Variants in PSD2 observed in about 807,000 individuals in gnomAD.
The protein encoded by PSD2 is pleckstrin and Sec7 domain containing 2.
In PSD2, 38 loss-of-function variants were observed where a neutral mutation model predicts 69.8. The observed-to-expected ratio is 0.54, with a 90% CI of 0.42 to 0.71. The LOEUF is 0.71. Among genes scored for constraint, PSD2 ranks in the 30% least tolerant of loss-of-function variants. The probability of loss-of-function intolerance (pLI) is 0.00; values close to 1 mark genes in which losing one functional copy is unlikely to be tolerated. For missense variants in PSD2, 943 were observed against 1,014.5 expected, an observed-to-expected ratio of 0.93 and a Z score of 0.96; for synonymous variants, 412 against 423.0, an observed-to-expected ratio of 0.97 and a Z score of 0.32.
At chr5:139,781,194 A>G in the PSD2 span, among the ~76,000 whole-genome samples, 2 of 152,200 alleles carry the variant, frequency 1.3e-5, no homozygotes, top group African/African-American at 4.8e-5. Context: ...TGGAGCCTCT[A>G]GAGATCTCCT....
At chr5:139,826,109 C>T (rs1760412734) in intron 7 of PSD2, among the ~76,000 whole-genome samples, 1 of 152,172 alleles carries the variant, frequency 6.6e-6, no homozygotes, top group Non-Finnish European at 1.5e-5. Context: ...AGAGTGACCA[C>T]TGGGGTTGGA....
intron 1 of PSD2, among the ~76,000 whole-genome samples, chr5:139,802,126 G>A (rs977234903): frequency 6.6e-6 from 1 of 150,584 alleles, no homozygotes; most frequent in Non-Finnish European, 1.5e-5. Context: ...GGAGGGAGAG[G>A]AAGGGAGGAC....
chr5:139,755,147 C>T, the PSD2 span, among the ~76,000 whole-genome samples: 2 of 152,174 alleles, frequency 1.3e-5, no homozygotes, highest in Admixed American at 1.3e-4. Flanking sequence ...TTTGAGGCAG[C>T]GCCACCCACG....
chr5:139,763,313 C>T, the PSD2 span, among the ~76,000 whole-genome samples: 6 of 152,276 alleles, frequency 3.9e-5, no homozygotes, highest in South Asian at 1.0e-3. Context: ...TTGTTCTTCA[C>T]GTCACTCTGA....
chr5:139,803,370 G>T (rs1383439619), intron 1 of PSD2, among the ~76,000 whole-genome samples: 2 of 152,216 alleles, frequency 1.3e-5, no homozygotes, highest in Non-Finnish European at 2.9e-5. Context: ...GCTGTCCTGG[G>T]CATGGCACCC....
the PSD2 span, among the ~76,000 whole-genome samples, chr5:139,749,262 T>C: frequency 6.6e-6 from 1 of 152,220 alleles, no homozygotes; most frequent in Non-Finnish European, 1.5e-5. Flanking sequence ...TTACTTCCTC[T>C]GAGAACTTCT....
At chr5:139,835,353 CCATT>C (rs1760690804) in intron 8 of PSD2, among the ~76,000 whole-genome samples, 1 of 151,708 alleles carries the variant, frequency 6.6e-6, no homozygotes, top group Non-Finnish European at 1.5e-5. Flanking sequence ...CCCCATCCAT[CCATT>C]CACTCACCCA....
At chr5:139,773,321 G>T in the PSD2 span, among the ~76,000 whole-genome samples, 1 of 152,066 alleles carries the variant, frequency 6.6e-6, no homozygotes, top group Non-Finnish European at 1.5e-5. Context: ...GGAGTGCAGT[G>T]GCACAATCAT....
chr5:139,811,767 G>A (rs1049132935), intron 2 of PSD2, among the ~76,000 whole-genome samples: 1 of 152,038 alleles, frequency 6.6e-6, no homozygotes, highest in African/African-American at 2.4e-5. Context: ...GCTAATTTTT[G>A]TATTTTTAGT....
Position 139,814,046 on chromosome 5 carries a change from G to C in PSD2, c.822-124G>C. 1.1e-6 allele frequency: 1 copy of C among 908,050 alleles called. No individual in the cohort carries two copies. The highest frequency in any genetic ancestry group is 1.7e-6 in the Non-Finnish European group (1 of 582,730). 56.2% of individuals were successfully genotyped at this position (908,050 alleles called of 1,614,324 possible). On this transcript the variant is annotated intron_variant, in intron 3 of 14. Coordinates refer to ENST00000274710, the MANE Select transcript of PSD2 (RefSeq NM_032289.4). The surrounding 1 kb of genome is among the most constrained non-coding windows in gnomAD (Gnocchi z 4.4). The stretch of plus-strand genomic sequence containing the variant: ...GATTTCATTCCCTCCGGCTGCAGTG[G>C]AGCTTCTTTCCCTGTTCTGGCCCCT...
chr5:139,819,981 T>C (rs1760216925), intron 5 of PSD2, among the ~76,000 whole-genome samples: 1 of 152,164 alleles, frequency 6.6e-6, no homozygotes, highest in Non-Finnish European at 1.5e-5. Flanking sequence ...CCCAATGTAC[T>C]GGTGGCCTTT....
the PSD2 span, among the ~76,000 whole-genome samples, chr5:139,748,281 G>A: frequency 5.3e-5 from 8 of 149,884 alleles, no homozygotes; most frequent in South Asian, 2.1e-4. Context: ...ACCTCAGACA[G>A]CTTCAGCACA....
chr5:139,841,114 A>C (rs1760860605), intron 14 of PSD2, among the ~76,000 whole-genome samples: 1 of 152,118 alleles, frequency 6.6e-6, no homozygotes, highest in Non-Finnish European at 1.5e-5. Flanking sequence ...TGACTACTCT[A>C]AGTGGAATCC....
At chr5:139,838,839 C>A (rs571247382) in intron 13 of PSD2, 67 bp downstream of exon 13, 10 of 1,531,604 alleles carry the variant, frequency 6.5e-6, no homozygotes, top group Non-Finnish European at 8.0e-6. Flanking sequence ...CCCCATCCAG[C>A]AGCCCCACCC....
At chr5:139,788,384 G>T in the PSD2 span, among the ~76,000 whole-genome samples, 5 of 152,206 alleles carry the variant, frequency 3.3e-5, no homozygotes, top group South Asian at 1.0e-3. Flanking sequence ...GTTTCAACCC[G>T]AACTCAACCC....
At chr5:139,756,771 C>T in the PSD2 span, among the ~76,000 whole-genome samples, 9 of 152,134 alleles carry the variant, frequency 5.9e-5, no homozygotes, top group Non-Finnish European at 7.3e-5. Flanking sequence ...CTTTATCTGG[C>T]GATGTCCTCT....
Position 139,795,941 on chromosome 5 carries a change from G to A in PSD2, c.-85G>A, listed in dbSNP as rs1387137921. Reference sequence around the variant, plus strand: ...CCCGGCGGCCTCCGATGGCCCCGCCGTGAGAGGCCGGACCCGCGGCGGGGA... The same window carrying A: ...CCCGGCGGCCTCCGATGGCCCCGCCATGAGAGGCCGGACCCGCGGCGGGGA... On this transcript the variant is annotated 5_prime_UTR_variant, in exon 1 of 15. In the 5' UTR this introduces an upstream ATG that the reference lacks. Transcript: ENST00000274710. The surrounding 1 kb of genome is among the most constrained non-coding windows in gnomAD (Gnocchi z 4.5). 1 of 150,878 alleles carries A rather than the reference G, an allele frequency of 6.6e-6. No homozygotes were observed. The highest frequency in any genetic ancestry group is 1.5e-5 in the Non-Finnish European group (1 of 67,616). The allele number at this position is 150,878 out of a possible 1,614,324, so 9.3% of individuals were successfully genotyped here. A position where few individuals can be genotyped will look rare whatever the true frequency, so the allele number is the denominator to read the frequency against.
At chr5:139,774,776 C>T in the PSD2 span, among the ~76,000 whole-genome samples, 22 of 152,326 alleles carry the variant, frequency 1.4e-4, no homozygotes, top group East Asian at 3.7e-3. Context: ...AGGCGTGAGC[C>T]ACTGCGCCCG....
chr5:139,813,230 G>C, intron 2 of PSD2, 79 bp from the exon 3 acceptor site: 4 of 1,252,142 alleles, frequency 3.2e-6, no homozygotes, highest in Non-Finnish European at 4.4e-6. Flanking sequence ...GGGGCTCCCA[G>C]ACACAGATGA....
Sources: allele counts gnomAD v4.1 joint callset (sites outside exome capture counted in the v4.1 genomes callset), GRCh38; gene constraint gnomAD v4.1.1; non-coding constraint Gnocchi (gnomAD v3.1); transcripts MANE v1.5; gene names NCBI Gene and HGNC (gene_info 2026-07-23, HGNC 2026-07-21).